The following TMEM150C variants were observed in gnomAD, a reference collection of about 807,000 sequenced individuals.
TMEM150C encodes the protein tentonin 3.
Under a neutral mutation model 29.9 loss-of-function variants are expected in TMEM150C, and 10 were observed. The ratio of observed to expected loss-of-function variants is 0.33; its 90% confidence interval spans 0.21 to 0.57. TMEM150C has a LOEUF of 0.57. Among genes scored for constraint, TMEM150C ranks in the 20% least tolerant of loss-of-function variants. The pLI, the probability that TMEM150C is intolerant of heterozygous loss-of-function variation, is 0.88. For synonymous variants in TMEM150C, 101 were observed against 112.5 expected, an observed-to-expected ratio of 0.90 and a Z score of 0.64; for missense variants, 251 against 303.6, an observed-to-expected ratio of 0.83 and a Z score of 1.29.
chr4:82,528,638 A>G (rs141171811), intron 1 of TMEM150C, among the ~76,000 whole-genome samples: 5,113 of 137,296 alleles, frequency 0.037, 286 homozygotes, highest in African/African-American at 0.14. Flanking sequence ...AGTCTCTGTC[A>G]CCGAGGCTGG....
intron 6 of TMEM150C, chr4:82,495,742 C>T (rs1335543387): frequency 1.2e-5 from 4 of 337,182 alleles, no homozygotes; most frequent in Admixed American, 7.4e-5. Context: ...ACCACTGATT[C>T]GGACCACATA....
At chr4:82,492,338 G>C (rs1476120338) in intron 6 of TMEM150C, among the ~76,000 whole-genome samples, 1 of 150,096 alleles carries the variant, frequency 6.7e-6, no homozygotes, top group African/African-American at 2.5e-5. Context: ...ATGTTGACCA[G>C]GCTGATCTCA....
intron 1 of TMEM150C, among the ~76,000 whole-genome samples, chr4:82,544,533 C>T (rs188033370): frequency 6.6e-6 from 1 of 152,182 alleles, no homozygotes; most frequent in Non-Finnish European, 1.5e-5. Flanking sequence ...AATCCCAGCA[C>T]TTTGGGAGGC....
At chr4:82,489,939 C>G in intron 7 of TMEM150C, 122 bp downstream of exon 7, 1 of 982,756 alleles carries the variant, frequency 1.0e-6, no homozygotes, top group Non-Finnish European at 1.5e-6. Flanking sequence ...TACCTGTTTA[C>G]CTTTGCCTTA....
intron 1 of TMEM150C, among the ~76,000 whole-genome samples, chr4:82,528,845 C>T (rs1335962794): frequency 2.6e-5 from 4 of 152,080 alleles, no homozygotes; most frequent in South Asian, 2.1e-4. Context: ...CTGCCCGCCT[C>T]GGCCTCCCAA....
intron 1 of TMEM150C, among the ~76,000 whole-genome samples, chr4:82,519,105 G>A (rs1003820737): frequency 1.3e-5 from 2 of 152,158 alleles, no homozygotes; most frequent in Non-Finnish European, 2.9e-5. Flanking sequence ...TAGTCTTCTG[G>A]AAAGAGGCAA....
At position 82,555,098 on chromosome 4, in the gene TMEM150C, A is replaced by G. The variant is rs923123859; in HGVS notation, c.-11+6808T>C. On this transcript the variant is annotated intron_variant, in intron 1 of 7. Coordinates refer to ENST00000449862, the MANE Select transcript of TMEM150C (RefSeq NM_001080506.3). Reference sequence around the variant, plus strand: ...TTAAGGAAAACTGAAATCTACTTCCAAAATGAAATTAGTTTTACTTTCTAG... The same window carrying G: ...TTAAGGAAAACTGAAATCTACTTCCGAAATGAAATTAGTTTTACTTTCTAG... Among the ~76,000 whole-genome samples, 4 of 152,374 alleles carry G rather than the reference A, an allele frequency of 2.6e-5. No homozygotes were observed. The East Asian group carries it at 5.8e-4, about 22-fold the overall frequency.
intron 1 of TMEM150C, among the ~76,000 whole-genome samples, chr4:82,529,841 G>T (rs1724778311): frequency 6.6e-6 from 1 of 152,142 alleles, no homozygotes. Context: ...AGATGTGCAG[G>T]CATGAGTAAA....
intron 1 of TMEM150C, among the ~76,000 whole-genome samples, chr4:82,545,759 G>A (rs1022475857): frequency 6.6e-6 from 1 of 152,040 alleles, no homozygotes; most frequent in African/African-American, 2.4e-5. Flanking sequence ...GCAAAACCCT[G>A]TCTCTACTAA....
chr4:82,496,230 T>G, intron 5 of TMEM150C, 35 bp from the exon 6 acceptor site: 1 of 1,602,832 alleles, frequency 6.2e-7, no homozygotes, highest in Non-Finnish European at 8.5e-7. Context: ...ATGGAAGAAA[T>G]TAAATCACAC....
At chr4:82,496,040 G>C (rs545886281) in intron 6 of TMEM150C, 28 bp downstream of exon 6, 6 of 1,613,732 alleles carry the variant, frequency 3.7e-6, no homozygotes, top group Middle Eastern at 1.6e-4. Flanking sequence ...CAGTGTCAGA[G>C]GGAGGTGAAA....
chr4:82,561,593 G>C (rs191891506), intron 1 of TMEM150C, among the ~76,000 whole-genome samples: 1 of 149,860 alleles, frequency 6.7e-6, no homozygotes, highest in Non-Finnish European at 1.5e-5. Flanking sequence ...GCTGGCTGGC[G>C]GCACTGCGGC....
intron 1 of TMEM150C, among the ~76,000 whole-genome samples, chr4:82,526,272 A>C (rs1358928146): frequency 6.6e-6 from 1 of 152,226 alleles, no homozygotes; most frequent in African/African-American, 2.4e-5. Flanking sequence ...AGATAAGGAC[A>C]ACTATATTTG....
chr4:82,549,141 AATAT>A (rs10544041), intron 1 of TMEM150C, among the ~76,000 whole-genome samples: 1 of 151,802 alleles, frequency 6.6e-6, no homozygotes, highest in African/African-American at 2.4e-5. Context: ...CTTTTGCACA[AATAT>A]ATATATATGT....
chr4:82,502,548 G>A (rs546527346), intron 5 of TMEM150C, among the ~76,000 whole-genome samples, 179 bp downstream of exon 5: 1 of 152,304 alleles, frequency 6.6e-6, no homozygotes, highest in South Asian at 2.1e-4. Context: ...CAGGGTGAAC[G>A]TAAATGGATG....
rs146911106 is a variant in TMEM150C, at chr4:82,495,106, G to C, written c.363+962C>G. The C allele has an allele frequency of 5.2e-3, 4,085 of 787,676 alleles. 141 individuals are homozygous for C. The African/African-American group carries it at 0.067, about 13-fold the overall frequency. 48.8% of individuals were successfully genotyped at this position (787,676 alleles called of 1,614,324 possible). A position where few individuals can be genotyped will look rare whatever the true frequency, so the allele number is the denominator to read the frequency against. On this transcript the variant is annotated intron_variant, in intron 6 of 7. Coordinates refer to ENST00000449862, the MANE Select transcript of TMEM150C (RefSeq NM_001080506.3). The stretch of plus-strand genomic sequence containing the variant: ...GGTTTCTTACCTTCTTTGTTTAAGG[G>C]CTTTCTTACAACATACTGGCAGACA...
chr4:82,558,888 A>G (rs1205510567), intron 1 of TMEM150C, among the ~76,000 whole-genome samples: 3 of 124,418 alleles, frequency 2.4e-5, no homozygotes, highest in Admixed American at 7.1e-5. Flanking sequence ...GAAGATCCAC[A>G]AAAGTGAAAA....
Position 82,547,285 on chromosome 4 carries a change from G to GA in TMEM150C, c.-11+14620dup, listed in dbSNP as rs769811228. On this transcript the variant is annotated intron_variant, in intron 1 of 7. Coordinates refer to ENST00000449862, the MANE Select transcript of TMEM150C (RefSeq NM_001080506.3). ...AGACATACAAGCAGCCAACAAACAT[G>GA]AAAAAAAAAAAAGGTTTAATCAGCT... Among the ~76,000 whole-genome samples, 1,270 of 143,036 alleles carry GA rather than the reference G, an allele frequency of 8.9e-3. 15 individuals carry two copies. The highest frequency in any genetic ancestry group is 0.029 in the African/African-American group (1,138 of 39,588). 93.8% of individuals were successfully genotyped at this position (143,036 alleles called of 152,430 possible).
intron 1 of TMEM150C, among the ~76,000 whole-genome samples, chr4:82,519,308 C>A (rs1034728408): frequency 6.6e-5 from 10 of 152,140 alleles, no homozygotes; most frequent in African/African-American, 2.2e-4. Flanking sequence ...TGCTGTAGTA[C>A]CCCCTTATCC....
Sources: allele counts gnomAD v4.1 joint callset (sites outside exome capture counted in the v4.1 genomes callset), GRCh38; gene constraint gnomAD v4.1.1; transcripts MANE v1.5; gene names NCBI Gene and HGNC (gene_info 2026-07-23, HGNC 2026-07-21).